Variants in ATG4C observed in about 807,000 individuals in gnomAD.
ATG4C encodes the protein autophagy related 4C cysteine peptidase.
A neutral mutation model predicts 57.6 loss-of-function variants in ATG4C; 56 were observed. The observed-to-expected ratio is 0.97, with a 90% CI of 0.78 to 1.21. The LOEUF (loss-of-function observed/expected upper bound fraction) is 1.21. Ranked by LOEUF, ATG4C falls within the 50% of genes most tolerant of loss-of-function variation. The probability of loss-of-function intolerance (pLI) is 0.00; values close to 1 mark genes in which losing one functional copy is unlikely to be tolerated. For synonymous variants in ATG4C, 157 were observed against 174.1 expected, an observed-to-expected ratio of 0.90 and a Z score of 0.78; for missense variants, 595 against 529.8, an observed-to-expected ratio of 1.12 and a Z score of -1.21.
At chr1:62,801,119 G>C (rs1418522505) in intron 1 of ATG4C, among the ~76,000 whole-genome samples, 1 of 152,186 alleles carries the variant, frequency 6.6e-6, no homozygotes, top group Admixed American at 6.5e-5. Context: ...TGCATGTGAA[G>C]TAGTAAAAGA....
chr1:62,787,554 C>T (rs925121969), intron 1 of ATG4C, among the ~76,000 whole-genome samples: 9 of 152,062 alleles, frequency 5.9e-5, no homozygotes, highest in Middle Eastern at 6.8e-3. Flanking sequence ...GATATTGAAC[C>T]CAAACAGTAG....
intron 1 of ATG4C, among the ~76,000 whole-genome samples, chr1:62,789,640 C>T (rs898930016): frequency 9.3e-5 from 14 of 151,266 alleles, no homozygotes; most frequent in African/African-American, 3.4e-4. Flanking sequence ...GGTGAAACCC[C>T]ATCTCTACTA....
Position 62,819,079 on chromosome 1 carries a change from T to C in ATG4C, c.469T>C (p.Phe157Leu), listed in dbSNP as rs755917266. 13 of 1,609,562 alleles carry C rather than the reference T, an allele frequency of 8.1e-6. No individual in the cohort carries two copies. The highest frequency in any genetic ancestry group is 1.1e-5 in the Non-Finnish European group (13 of 1,178,178). ...ATGGACTTCCCACACTGTCAAAAAA[T>C]TTACTGCATCATTTGAAGCATCACT... ...ESWTSHTVKKFTASFEASLSG... is the reference protein window; with the variant it reads ...ESWTSHTVKKLTASFEASLSG... Residue 157 changes from phenylalanine (F) to leucine (L), a missense_variant, in exon 5 of 11, where the codon TTT becomes CTT. Coordinates refer to ENST00000317868, the MANE Select transcript of ATG4C (RefSeq NM_032852.4).
At chr1:62,787,896 C>T (rs964465039) in intron 1 of ATG4C, among the ~76,000 whole-genome samples, 1 of 151,848 alleles carries the variant, frequency 6.6e-6, no homozygotes, top group Admixed American at 6.6e-5. Context: ...CATCTTGACT[C>T]CTGTGACACC....
intron 3 of ATG4C, among the ~76,000 whole-genome samples, chr1:62,809,501 A>G (rs1414769695): frequency 3.4e-5 from 5 of 147,480 alleles, no homozygotes; most frequent in African/African-American, 9.9e-5. Context: ...TATATAATAT[A>G]TAGTCTACAA....
At chr1:62,859,567 G>A in intron 10 of ATG4C, among the ~76,000 whole-genome samples, 1 of 152,220 alleles carries the variant, frequency 6.6e-6, no homozygotes, top group Admixed American at 6.5e-5. Flanking sequence ...TGAGTCTGTG[G>A]TGAGTGAATG....
chr1:62,863,897 A>T (rs2100373481), intron 10 of ATG4C, 95 bp from the exon 11 acceptor site: 1 of 852,618 alleles, frequency 1.2e-6, no homozygotes, highest in East Asian at 2.7e-5. Flanking sequence ...AGAAGCTAAC[A>T]GGAGAGGTTC....
At chr1:62,799,969 C>T (rs1346625176) in intron 1 of ATG4C, among the ~76,000 whole-genome samples, 2 of 151,900 alleles carry the variant, frequency 1.3e-5, no homozygotes, top group African/African-American at 4.8e-5. Context: ...CTCTCTGCCT[C>T]CATGGATTTG....
At position 62,801,958 on chromosome 1, in the gene ATG4C, CAAAAAAAAAAAA is replaced by C. The variant is rs60298362; in HGVS notation, c.-68-1745_-68-1734del. ...GGGGGACAGAGCAAGACTCTGTCTC[CAAAAAAAAAAAA>C]AAAAAAAAAAAAAAAGAAAAAAAGA... On this transcript the variant is annotated intron_variant, in intron 1 of 10. Coordinates refer to ENST00000317868, the MANE Select transcript of ATG4C (RefSeq NM_032852.4). Among the ~76,000 whole-genome samples, 43 of 51,894 alleles carry C rather than the reference CAAAAAAAAAAAA, an allele frequency of 8.3e-4. 1 individual carries two copies. The South Asian group carries it at 0.02, about 24-fold the overall frequency. The allele number at this position is 51,894 out of a possible 152,430, so 34.0% of individuals were successfully genotyped here.
intron 3 of ATG4C, among the ~76,000 whole-genome samples, chr1:62,815,721 G>A (rs1665247392): frequency 6.6e-6 from 1 of 152,190 alleles, no homozygotes; most frequent in Non-Finnish European, 1.5e-5. Context: ...ATCTCACTAT[G>A]TTGCCCAGGC....
At chr1:62,830,022 C>G (rs1306548507) in intron 7 of ATG4C, among the ~76,000 whole-genome samples, 3 of 152,020 alleles carry the variant, frequency 2.0e-5, no homozygotes, top group Non-Finnish European at 2.9e-5. Context: ...GTTATAGTCT[C>G]TATATATTTA....
At chr1:62,824,645 G>A (rs1665587526) in intron 6 of ATG4C, among the ~76,000 whole-genome samples, 1 of 150,048 alleles carries the variant, frequency 6.7e-6, no homozygotes, top group Non-Finnish European at 1.5e-5. Flanking sequence ...TACCAGAACT[G>A]CTCTTTTCTC....
At chr1:62,850,651 A>C (rs938509641) in intron 10 of ATG4C, among the ~76,000 whole-genome samples, 20 of 151,672 alleles carry the variant, frequency 1.3e-4, no homozygotes, top group Non-Finnish European at 2.5e-4. Flanking sequence ...TGTGCCTGGC[A>C]TTCTCTTCCT....
intron 1 of ATG4C, among the ~76,000 whole-genome samples, chr1:62,802,338 A>G (rs947768490): frequency 3.9e-5 from 6 of 152,086 alleles, no homozygotes; most frequent in Admixed American, 6.6e-5. Flanking sequence ...GAAATCTGAA[A>G]TTTTCCAGGA....
At chr1:62,825,253 AAG>A (rs1169089148) in intron 6 of ATG4C, among the ~76,000 whole-genome samples, 1 of 149,920 alleles carries the variant, frequency 6.7e-6, no homozygotes, top group Non-Finnish European at 1.5e-5. Context: ...AAAAAAAAAA[AAG>A]CATGAGCCGT....
rs1665276529 is a variant in ATG4C at position 62,816,555 on chromosome 1, A to G, written c.161-20A>G. ...TAGACATTTCTCTGGTTATCTTTAG[A>G]CCGTATGTTTATTTTTTAGATGAAG... On this transcript the variant is annotated intron_variant, in intron 3 of 10. Transcript: ENST00000317868. 1.3e-6 allele frequency: 2 copies of G among 1,557,300 alleles called. No individual in the cohort carries two copies. Among genetic ancestry groups the G allele is most frequent in the African/African-American group, 2.7e-5 (2 of 73,606 alleles).
In ATG4C at chr1:62,821,164, C is replaced by T; in HGVS notation, c.751C>T (p.Pro251Ser). The T allele has an allele frequency of 6.2e-7, 1 of 1,600,886 alleles. No individual in the cohort carries two copies. The highest frequency in any genetic ancestry group is 8.5e-7 in the Non-Finnish European group (1 of 1,174,950). The change falls in exon 6 of 11, where the codon CCT becomes TCT. Residue 251 changes from proline (P) to serine (S), a missense_variant. Coordinates refer to ENST00000317868, the MANE Select transcript of ATG4C (RefSeq NM_032852.4). Reference protein sequence around the residue: ...LRKAVEEARHPDLQGITIYVA... With the variant: ...LRKAVEEARHSDLQGITIYVA... ...AAAAGCAGTTGAAGAAGCAAGGCAT[C>T]CTGATTTACAAGGAATAACTATTTA...
At chr1:62,861,671 G>T (rs928807198) in intron 10 of ATG4C, among the ~76,000 whole-genome samples, 5 of 149,878 alleles carry the variant, frequency 3.3e-5, no homozygotes, top group Non-Finnish European at 5.9e-5. Context: ...TCATTCAGAG[G>T]TAACTTAATG....
intron 6 of ATG4C, among the ~76,000 whole-genome samples, chr1:62,827,338 C>T (rs1557978499): frequency 6.6e-6 from 1 of 152,076 alleles, no homozygotes; most frequent in African/African-American, 2.4e-5. Context: ...ACTTTTTGAT[C>T]TTTTAACTTG....
Sources: gnomAD v4.1 joint callset for allele counts (sites outside exome capture counted in the v4.1 genomes callset) on GRCh38, gnomAD v4.1.1 for gene constraint, MANE v1.5 for transcripts, NCBI Gene and HGNC (gene_info 2026-07-23, HGNC 2026-07-21) for gene names.